TBCD: variants seen among roughly 807,000 people sequenced by gnomAD.
The protein encoded by TBCD is tubulin-specific chaperone D.
Under a neutral mutation model 169.3 loss-of-function variants are expected in TBCD, and 105 were observed. That is an observed-to-expected ratio of 0.62 (90% CI 0.53 to 0.73). TBCD has a LOEUF of 0.73. Ranked by LOEUF, TBCD falls within the 30% of genes least tolerant of loss-of-function variation. The pLI is 0.00. For missense variants in TBCD, 1,444 were observed against 1,600.1 expected (o/e 0.90, Z 1.66); for synonymous variants, 700 against 643.9 (o/e 1.09, Z -1.32).
At position 82,784,196 on chromosome 17, in the gene TBCD, T is replaced by C. The variant is rs1440366102; in HGVS notation, c.771+2475T>C. Among the ~76,000 whole-genome samples the C allele has an allele frequency of 2.6e-5, 4 of 152,218 alleles. No individual in the cohort carries two copies. In the East Asian group the frequency reaches 5.8e-4, roughly 22 times the overall value. On this transcript the variant is annotated intron_variant, in intron 7 of 38. Transcript: ENST00000355528. Reference sequence around the variant, plus strand: ...TTGGGTACACAACACTAGTTTTTAATAAAATTTTAAACAAAATTTGGAATG... The same window carrying C: ...TTGGGTACACAACACTAGTTTTTAACAAAATTTTAAACAAAATTTGGAATG...
At chr17:82,853,674 C>T (rs1053553627) in intron 13 of TBCD, among the ~76,000 whole-genome samples, 6 of 151,816 alleles carry the variant, frequency 4.0e-5, no homozygotes, top group East Asian at 1.9e-4. Flanking sequence ...CAAAGTATTG[C>T]GATTACAGGC....
At chr17:82,795,749 G>A in intron 7 of TBCD, 2 of 319,106 alleles carry the variant, frequency 6.3e-6, no homozygotes, top group Non-Finnish European at 9.1e-6. Context: ...ACTGCCCTTT[G>A]ATGCCTGGGC....
Position 82,870,449 on chromosome 17 carries a change from A to G in TBCD, c.1475+69A>G, listed in dbSNP as rs116506132. The G allele has an allele frequency of 4.7e-3, 7,251 of 1,553,904 alleles. 305 individuals are homozygous for G. In the African/African-American group the frequency reaches 0.086, roughly 18 times the overall value. ...GACGGCGCCGTGTGTCGTTTCCTCC[A>G]TGAGAGGTGTGCACAGCAGATGCTC... On this transcript the variant is annotated intron_variant, in intron 14 of 38. Transcript: ENST00000355528.
chr17:82,937,782 G>T (rs912212949), intron 35 of TBCD: 2 of 1,239,114 alleles, frequency 1.6e-6, no homozygotes, highest in Non-Finnish European at 2.2e-6. Context: ...TGAGGTGGGG[G>T]TCCTCATGGC....
chr17:82,777,792 G>A lies in TBCD; in HGVS notation c.639-3797G>A, dbSNP rs1429260678. The stretch of plus-strand genomic sequence containing the variant: ...ATAACTGCGGGCGAGCCTGACTGAT[G>A]TCAGGCCCTCCACAGGAGGTGGAGG... On this transcript the variant is annotated intron_variant, in intron 6 of 38. Coordinates refer to ENST00000355528, the MANE Select transcript of TBCD (RefSeq NM_005993.5). Among the ~76,000 whole-genome samples, 5 of 152,160 alleles carry A rather than the reference G, an allele frequency of 3.3e-5. No homozygotes were observed. The East Asian group carries it at 5.8e-4, about 18-fold the overall frequency.
At chr17:82,859,284 C>G (rs2056570262) in intron 13 of TBCD, among the ~76,000 whole-genome samples, 2 of 151,094 alleles carry the variant, frequency 1.3e-5, no homozygotes, top group South Asian at 2.1e-4. Flanking sequence ...CACTGACACA[C>G]TGGCTTTCAG....
chr17:82,840,260 A>C (rs1237724092), intron 13 of TBCD: 1 of 152,198 alleles, frequency 6.6e-6, no homozygotes, highest in Non-Finnish European at 1.5e-5. Flanking sequence ...GGACGGCCAT[A>C]TGTCAGAGGG....
intron 13 of TBCD, among the ~76,000 whole-genome samples, chr17:82,823,400 A>AG (rs1429954631): frequency 6.6e-6 from 1 of 152,204 alleles, no homozygotes; most frequent in East Asian, 1.9e-4. Flanking sequence ...TTAAGCTTTC[A>AG]GGTTTTCAGG....
Position 82,920,677 on chromosome 17 carries a change from G to T in TBCD, c.2101+59G>T. 1 of 1,415,482 alleles carries T rather than the reference G, an allele frequency of 7.1e-7. No homozygotes were observed. Among genetic ancestry groups the T allele is most frequent in the South Asian group, 1.3e-5 (1 of 77,762 alleles). The allele number at this position is 1,415,482 out of a possible 1,614,324, so 87.7% of individuals were successfully genotyped here. A position where few individuals can be genotyped will look rare whatever the true frequency, so the allele number is the denominator to read the frequency against. On this transcript the variant is annotated intron_variant, in intron 24 of 38. Transcript: ENST00000355528. This position sits in a 1 kb window ranked among gnomAD's most constrained non-coding sequence, Gnocchi z 4.1. ...TTACAGAATGACTTCAGATTAAAAGGTAAAAATGAACCTGTTAGGATGGGG... is the reference window on the plus strand; with the variant it reads ...TTACAGAATGACTTCAGATTAAAAGTTAAAAATGAACCTGTTAGGATGGGG...
At chr17:82,772,305 TGCAGC>T in intron 5 of TBCD, 142 bp from the exon 6 acceptor site, 15 of 773,552 alleles carry the variant, frequency 1.9e-5, no homozygotes, top group Admixed American at 1.1e-4. Flanking sequence ...GGTTTTTTTT[TGCAGC>T]TTTGGACTTA....
intron 14 of TBCD, among the ~76,000 whole-genome samples, chr17:82,875,509 A>C (rs902599408): frequency 6.6e-6 from 1 of 152,244 alleles, no homozygotes; most frequent in African/African-American, 2.4e-5. Flanking sequence ...TCATGTTGAC[A>C]TCAGCTCCGC....
At chr17:82,895,149 C>G (rs2059392120) in intron 17 of TBCD, among the ~76,000 whole-genome samples, 1 of 152,246 alleles carries the variant, frequency 6.6e-6, no homozygotes, top group East Asian at 1.9e-4. Context: ...AGACCTGGGT[C>G]CAGGCATGTC....
At chr17:82,762,379 CAG>C (rs1291974810) in intron 2 of TBCD, among the ~76,000 whole-genome samples, 6 of 148,942 alleles carry the variant, frequency 4.0e-5, no homozygotes, top group Non-Finnish European at 5.9e-5. Flanking sequence ...TTTAGGTAGA[CAG>C]AGGTTTTATT....
chr17:82,938,886 AT>A (rs2062869237), intron 36 of TBCD, among the ~76,000 whole-genome samples: 2 of 34,270 alleles, frequency 5.8e-5, no homozygotes. Flanking sequence ...TGGTTAATAG[AT>A]AGCGGGCGAG....
rs78449745 is a variant in TBCD, at chr17:82,876,273, C to T, written c.1475+5893C>T. On this transcript the variant is annotated intron_variant, in intron 14 of 38. Transcript: ENST00000355528. ...GACCATTTCTCTGTGTTGGGAAATC[C>T]TGGTGAAGTATCACATAAACTTCTC... Among the ~76,000 whole-genome samples, 111 of 152,284 alleles carry T rather than the reference C, an allele frequency of 7.3e-4. No homozygotes were observed. The East Asian group carries it at 0.017, about 23-fold the overall frequency.
chr17:82,851,457 T>A (rs997007360), intron 13 of TBCD, among the ~76,000 whole-genome samples: 1 of 152,314 alleles, frequency 6.6e-6, no homozygotes, highest in Admixed American at 6.5e-5. Flanking sequence ...ATTTTAAAAA[T>A]GTTATCAATG....
intron 13 of TBCD, among the ~76,000 whole-genome samples, chr17:82,863,386 T>C (rs2056926298): frequency 6.6e-6 from 1 of 152,002 alleles, no homozygotes; most frequent in Non-Finnish European, 1.5e-5. Context: ...GACCCTTCAG[T>C]GATGAGGGTG....
At chr17:82,836,594 C>T (rs1249404726) in intron 13 of TBCD, among the ~76,000 whole-genome samples, 3 of 151,624 alleles carry the variant, frequency 2.0e-5, no homozygotes, top group South Asian at 2.1e-4. Flanking sequence ...GAAACACAAG[C>T]GCTCAGAGGA....
intron 17 of TBCD, among the ~76,000 whole-genome samples, chr17:82,899,700 C>G (rs2059760656): frequency 6.6e-6 from 1 of 152,188 alleles, no homozygotes; most frequent in African/African-American, 2.4e-5. Flanking sequence ...TGAGAAACTG[C>G]CAAACTGTTT....
Sources: gnomAD v4.1 joint callset for allele counts (sites outside exome capture counted in the v4.1 genomes callset) on GRCh38, gnomAD v4.1.1 for gene constraint, Gnocchi (gnomAD v3.1) non-coding constraint, MANE v1.5 for transcripts, NCBI Gene and HGNC (gene_info 2026-07-23, HGNC 2026-07-21) for gene names.